Variants in IL31RA observed in about 807,000 individuals in gnomAD.
IL31RA encodes the protein interleukin-31 receptor subunit alpha.
IL31RA carries 66 observed loss-of-function variants against 83.7 expected under a neutral mutation model. The observed-to-expected ratio is 0.79, with a 90% CI of 0.65 to 0.97. The LOEUF (loss-of-function observed/expected upper bound fraction) is 0.97, where lower values mean the gene tolerates loss of function less well. IL31RA is among the 50% of genes least tolerant of loss of function. The pLI is 0.00. For synonymous variants in IL31RA, 325 were observed against 329.0 expected, an observed-to-expected ratio of 0.99 and a Z score of 0.13; for missense variants, 798 against 919.4, an observed-to-expected ratio of 0.87 and a Z score of 1.71.
chr5:55,896,439 C>T lies in IL31RA; in HGVS notation c.852+10C>T, dbSNP rs767341145. The T allele has an allele frequency of 4.2e-5, 67 of 1,592,890 alleles. No individual in the cohort carries two copies. Among genetic ancestry groups the T allele is most frequent in the Non-Finnish European group, 5.7e-5 (66 of 1,161,270 alleles). On this transcript the variant is annotated intron_variant, in intron 7 of 14. Transcript: ENST00000652347. ...GCGGTTGTTATGGAAGGTGACCTCC[C>T]TCTGGATTCTTTTTCTCTCTCTTTC... is the stretch of plus-strand genomic sequence containing the variant.
chr5:55,884,053 A>C (rs1747430998), intron 5 of IL31RA, among the ~76,000 whole-genome samples: 2 of 152,130 alleles, frequency 1.3e-5, no homozygotes, highest in Admixed American at 1.3e-4. Flanking sequence ...ACCTTTTCAC[A>C]TGTTTATTGG....
chr5:55,864,114 G>A (rs1335223234), intron 2 of IL31RA, among the ~76,000 whole-genome samples: 1 of 152,178 alleles, frequency 6.6e-6, no homozygotes, highest in Non-Finnish European at 1.5e-5. Flanking sequence ...CTATTCTGGG[G>A]AAATGGGGAA....
intron 1 of IL31RA, among the ~76,000 whole-genome samples, 179 bp downstream of exon 1, chr5:55,851,812 A>T (rs1745087753): frequency 1.3e-5 from 2 of 152,178 alleles, no homozygotes; most frequent in South Asian, 4.1e-4. Flanking sequence ...AGGCATTTCT[A>T]GGTTTCTGCT....
intron 7 of IL31RA, among the ~76,000 whole-genome samples, chr5:55,898,351 A>G (rs1433412147): frequency 1.8e-5 from 2 of 113,122 alleles, no homozygotes; most frequent in Admixed American, 1.2e-4. Context: ...TCAAAAGGAA[A>G]GAGCTCTCTA....
intron 7 of IL31RA, among the ~76,000 whole-genome samples, chr5:55,899,222 G>A (rs1245157735): frequency 6.6e-6 from 1 of 152,096 alleles, no homozygotes; most frequent in East Asian, 1.9e-4. Context: ...CAGGCATTAC[G>A]CTCCATCTAT....
chr5:55,910,164 T>C (rs556351445), intron 11 of IL31RA, among the ~76,000 whole-genome samples: 2 of 152,390 alleles, frequency 1.3e-5, no homozygotes, highest in African/African-American at 4.8e-5. Context: ...TCTCCCATTC[T>C]TTGGATTATC....
chr5:55,906,061 G>C (rs762249199), intron 8 of IL31RA, 45 bp from the exon 9 acceptor site: 6 of 1,594,910 alleles, frequency 3.8e-6, no homozygotes, highest in Non-Finnish European at 5.2e-6. Context: ...TGCATTTGGG[G>C]AATGAGTTGG....
chr5:55,854,709 C>T (rs1474315529), intron 1 of IL31RA, among the ~76,000 whole-genome samples: 1 of 147,992 alleles, frequency 6.8e-6, no homozygotes, highest in Non-Finnish European at 1.5e-5. Flanking sequence ...TGCACCACTG[C>T]ACTCCAGTCT....
upstream of IL31RA, among the ~76,000 whole-genome samples, chr5:55,847,257 A>G (rs1433782618): frequency 5.1e-5 from 7 of 137,070 alleles, no homozygotes; most frequent in African/African-American, 1.8e-4. Context: ...ATAAATAAAT[A>G]AATAAATAAA....
intron 5 of IL31RA, among the ~76,000 whole-genome samples, chr5:55,886,920 G>A (rs1747653969): frequency 6.6e-6 from 1 of 152,172 alleles, no homozygotes; most frequent in Non-Finnish European, 1.5e-5. Context: ...TCCTCTGCAT[G>A]CTTCTGTCAT....
Position 55,915,824 on chromosome 5 carries a change from C to T in IL31RA, c.1819-820C>T, listed in dbSNP as rs563878666. On this transcript the variant is annotated intron_variant, in intron 14 of 14. Coordinates refer to ENST00000652347, the MANE Select transcript of IL31RA (RefSeq NM_139017.7). ...TAACTAACATGCTTTTTGAATAATCCGTAGGTTGGACCTCTAGAGCCGGCA... is the reference window on the plus strand; with the variant it reads ...TAACTAACATGCTTTTTGAATAATCTGTAGGTTGGACCTCTAGAGCCGGCA... Among the ~76,000 whole-genome samples the T allele has an allele frequency of 3.9e-5, 6 of 152,202 alleles. No homozygotes were observed. The East Asian group carries it at 5.8e-4, about 15-fold the overall frequency.
intron 8 of IL31RA, among the ~76,000 whole-genome samples, chr5:55,905,770 TTC>T (rs1749110705): frequency 6.6e-6 from 1 of 152,218 alleles, no homozygotes; most frequent in Non-Finnish European, 1.5e-5. Flanking sequence ...CCTTTGGAGA[TTC>T]TCTGTTTCAG....
chr5:55,917,925 G>A lies in IL31RA; in HGVS notation c.*805G>A, dbSNP rs562764084. On this transcript the variant is annotated 3_prime_UTR_variant, in exon 15 of 15. Coordinates refer to ENST00000652347, the MANE Select transcript of IL31RA (RefSeq NM_139017.7). Reference sequence around the variant, plus strand: ...GACATTGCAGTGGTTGTCATATAGGGACGCTGGCCCCTCACACTGGTTCAG... The same window carrying A: ...GACATTGCAGTGGTTGTCATATAGGAACGCTGGCCCCTCACACTGGTTCAG... Among the ~76,000 whole-genome samples, 2 of 152,308 alleles carry A rather than the reference G, an allele frequency of 1.3e-5. No homozygotes were observed. Among genetic ancestry groups the A allele is most frequent in the African/African-American group, 4.8e-5 (2 of 41,568 alleles).
At chr5:55,893,280 A>G (rs1748129094) in intron 6 of IL31RA, among the ~76,000 whole-genome samples, 1 of 152,224 alleles carries the variant, frequency 6.6e-6, no homozygotes, top group Non-Finnish European at 1.5e-5. Context: ...TAGTAACATT[A>G]TTGCTGTATC....
chr5:55,862,981 A>G (rs1745780153), intron 2 of IL31RA, among the ~76,000 whole-genome samples: 1 of 152,228 alleles, frequency 6.6e-6, no homozygotes, highest in Non-Finnish European at 1.5e-5. Flanking sequence ...AGGCACACTG[A>G]TTGCCAACAA....
At chr5:55,859,897 G>A (rs1745568970) in intron 2 of IL31RA, among the ~76,000 whole-genome samples, 1 of 152,166 alleles carries the variant, frequency 6.6e-6, no homozygotes. Context: ...ATCTGTGGGG[G>A]AATATGTTCC....
chr5:55,909,734 T>C (rs1749378230), intron 11 of IL31RA, among the ~76,000 whole-genome samples: 1 of 152,094 alleles, frequency 6.6e-6, no homozygotes, highest in South Asian at 2.1e-4. Flanking sequence ...GACGGAGTTT[T>C]GCTGTTGTTG....
the IL31RA span, chr5:55,840,029 C>T: frequency 2.2e-6 from 1 of 463,670 alleles, no homozygotes; most frequent in Non-Finnish European, 4.1e-6. Flanking sequence ...ACATCATTGT[C>T]TCTTACCTGG....
rs1321139038 is a variant in IL31RA, at chr5:55,918,793, G to A, written c.*1673G>A. The stretch of plus-strand genomic sequence containing the variant: ...CCTCCTAACATCTCCAGCGGCTGCA[G>A]CCACCCCCCCACCACCCACCCAGGA... On this transcript the variant is annotated 3_prime_UTR_variant, in exon 15 of 15. Coordinates refer to ENST00000652347, the MANE Select transcript of IL31RA (RefSeq NM_139017.7). Among the ~76,000 whole-genome samples, 2 of 152,084 alleles carry A rather than the reference G, an allele frequency of 1.3e-5. No homozygotes were observed. Among genetic ancestry groups the A allele is most frequent in the Non-Finnish European group, 2.9e-5 (2 of 68,028 alleles).
Sources: allele counts gnomAD v4.1 joint callset (sites outside exome capture counted in the v4.1 genomes callset), GRCh38; gene constraint gnomAD v4.1.1; transcripts MANE v1.5; gene names NCBI Gene and HGNC (gene_info 2026-07-23, HGNC 2026-07-21).